The following SLC7A2 variants were observed in gnomAD, a reference collection of about 807,000 sequenced individuals.
SLC7A2 encodes the protein solute carrier family 7 member 2, also known as cationic amino acid transporter 2.
In SLC7A2, 48 loss-of-function variants were observed where a neutral mutation model predicts 58.9. The ratio of observed to expected loss-of-function variants is 0.82; its 90% CI spans 0.65 to 1.04. The LOEUF is 1.04. SLC7A2 is among the 50% of genes least tolerant of loss of function. SLC7A2 has a pLI of 0.00. For synonymous variants in SLC7A2, 363 were observed against 314.5 expected (o/e 1.15, Z -1.63); for missense variants, 1,029 against 818.8 (o/e 1.26, Z -3.13).
At chr8:17,548,991 C>G (rs1802313381) in intron 5 of SLC7A2, 148 bp downstream of exon 5, 1 of 716,102 alleles carries the variant, frequency 1.4e-6, no homozygotes, top group Non-Finnish European at 2.3e-6. Context: ...ACTCACAGTT[C>G]CACATGGCTG....
At position 17,565,388 on chromosome 8, in the gene SLC7A2, A is replaced by G. The variant is rs113583223; in HGVS notation, c.*242A>G. On this transcript the variant is annotated 3_prime_UTR_variant, in exon 13 of 13. Coordinates refer to ENST00000494857, the MANE Select transcript of SLC7A2 (RefSeq NM_001370338.1). ...TAGCCCCCAAACAGTGGGAGTGTGT[A>G]TGTATGTGTGTATGTATGTATCTAT... 15 of 489,360 alleles carry G rather than the reference A, an allele frequency of 3.1e-5. No individual in the cohort carries two copies. The highest frequency in any genetic ancestry group is 2.7e-4 in the African/African-American group (14 of 51,740). The allele number at this position is 489,360 out of a possible 1,614,324, so 30.3% of individuals were successfully genotyped here.
intron 1 of SLC7A2, among the ~76,000 whole-genome samples, chr8:17,497,845 A>G (rs2150630394): frequency 6.6e-6 from 1 of 152,254 alleles, no homozygotes; most frequent in East Asian, 1.9e-4. Context: ...AATCCGTTTG[A>G]GATGGGCTGT....
At chr8:17,501,237 A>C (rs58145248) in intron 1 of SLC7A2, among the ~76,000 whole-genome samples, 101,076 of 151,918 alleles carry the variant, frequency 0.67, 34,983 homozygotes, top group Admixed American at 0.75. Context: ...TGGTCTCGAA[A>C]TCCTGGCCTC....
intron 2 of SLC7A2, among the ~76,000 whole-genome samples, chr8:17,521,396 G>T (rs1241882453): frequency 6.6e-6 from 1 of 152,182 alleles, no homozygotes; most frequent in Admixed American, 6.5e-5. Context: ...GATGAATTTG[G>T]CAGGATTCTG....
intron 3 of SLC7A2, among the ~76,000 whole-genome samples, chr8:17,544,165 C>T (rs558341783): frequency 1.1e-3 from 161 of 152,270 alleles, no homozygotes; most frequent in African/African-American, 3.6e-3. Flanking sequence ...CCACGGCACC[C>T]GGCCACAAAA....
chr8:17,535,845 G>T (rs1242198448), intron 2 of SLC7A2, among the ~76,000 whole-genome samples: 1 of 152,176 alleles, frequency 6.6e-6, no homozygotes, highest in Non-Finnish European at 1.5e-5. Flanking sequence ...GGAGGTGGCA[G>T]TGAGCCGAGA....
rs2150800541 is a variant in SLC7A2 at position 17,570,128 on chromosome 8, C to G, written c.*4982C>G. ...ACCTGGTCTACAATTTATGCACATGCACTGACAGCCTTGCTGTGCCACGTG... is the reference window on the plus strand; with the variant it reads ...ACCTGGTCTACAATTTATGCACATGGACTGACAGCCTTGCTGTGCCACGTG... On this transcript the variant is annotated 3_prime_UTR_variant, in exon 13 of 13. Coordinates refer to ENST00000494857, the MANE Select transcript of SLC7A2 (RefSeq NM_001370338.1). 6.6e-6 allele frequency: 1 copy of G among 152,320 alleles called. No individual in the cohort carries two copies. Among genetic ancestry groups the G allele is most frequent in the Middle Eastern group, 3.4e-3 (1 of 294 alleles). The allele number at this position is 152,320 out of a possible 1,614,324, so 9.4% of individuals were successfully genotyped here.
chr8:17,558,080 G>T (rs1239296222), intron 8 of SLC7A2, among the ~76,000 whole-genome samples: 2 of 152,144 alleles, frequency 1.3e-5, no homozygotes, highest in African/African-American at 4.8e-5. Flanking sequence ...TTGGATAGTT[G>T]CCAGAGAGCT....
chr8:17,562,016 G>C lies in SLC7A2; in HGVS notation c.1577G>C (p.Ser526Thr). The change falls in exon 11 of 13, where the codon AGC becomes ACC. Residue 526 changes from serine (S) to threonine (T), a missense_variant. By Grantham distance (58) the Ser-to-Thr change is moderately conservative (BLOSUM62 1). Transcript: ENST00000494857. The part of the protein sequence containing the change: ...VHAITRLEAW[S>T]LALLALFLVL... ...GCCATCACCAGGCTGGAGGCCTGGA[G>C]CCTCGCTCTCCTCGCGCTGTTTCTT... The C allele has an allele frequency of 6.2e-7, 1 of 1,614,086 alleles. No homozygotes were observed. Among genetic ancestry groups the C allele is most frequent in the Non-Finnish European group, 8.5e-7 (1 of 1,179,994 alleles).
At chr8:17,557,203 T>C (rs1190321442) in intron 8 of SLC7A2, among the ~76,000 whole-genome samples, 1 of 152,222 alleles carries the variant, frequency 6.6e-6, no homozygotes, top group African/African-American at 2.4e-5. Context: ...TTAAATCTTG[T>C]AGAGGGATCT....
chr8:17,532,674 A>G (rs1273642013), intron 2 of SLC7A2, among the ~76,000 whole-genome samples: 1 of 152,218 alleles, frequency 6.6e-6, no homozygotes, highest in Admixed American at 6.5e-5. Flanking sequence ...TTTATGGCAT[A>G]TTAATAAGTA....
chr8:17,561,722 G>A (rs913032146), intron 10 of SLC7A2, among the ~76,000 whole-genome samples: 1 of 152,192 alleles, frequency 6.6e-6, no homozygotes, highest in Non-Finnish European at 1.5e-5. Context: ...TTGGTTCTAA[G>A]GAGGGGAGAG....
At chr8:17,539,187 A>G (rs944444741) in intron 2 of SLC7A2, among the ~76,000 whole-genome samples, 1 of 152,192 alleles carries the variant, frequency 6.6e-6, no homozygotes, top group Non-Finnish European at 1.5e-5. Context: ...TATACTGTCA[A>G]GTTGATGGCC....
chr8:17,527,223 A>G (rs1463083363), intron 2 of SLC7A2, among the ~76,000 whole-genome samples: 1 of 152,226 alleles, frequency 6.6e-6, no homozygotes, highest in Non-Finnish European at 1.5e-5. Flanking sequence ...TAAAATAATC[A>G]GTGTAGCAAA....
intron 2 of SLC7A2, among the ~76,000 whole-genome samples, chr8:17,509,506 G>T (rs2720541): frequency 1.1e-3 from 161 of 151,684 alleles, no homozygotes; most frequent in Middle Eastern, 6.8e-3. Flanking sequence ...GGGTTTCATC[G>T]TGATGGCTAG....
At chr8:17,535,391 C>A (rs1801621705) in intron 2 of SLC7A2, among the ~76,000 whole-genome samples, 1 of 152,110 alleles carries the variant, frequency 6.6e-6, no homozygotes, top group Admixed American at 6.5e-5. Context: ...TACCTGTATC[C>A]CCGTCACAGT....
At chr8:17,537,219 G>C (rs1038532367) in intron 2 of SLC7A2, among the ~76,000 whole-genome samples, 2 of 152,060 alleles carry the variant, frequency 1.3e-5, no homozygotes, top group African/African-American at 2.4e-5. Flanking sequence ...ACCATGCCTG[G>C]CTAATTTTTG....
At chr8:17,522,183 G>T (rs575850762) in intron 2 of SLC7A2, among the ~76,000 whole-genome samples, 5,862 of 152,266 alleles carry the variant, frequency 0.038, 168 homozygotes, top group Middle Eastern at 0.17. Context: ...GATGGCAAAA[G>T]TCACGTCTTA....
intron 2 of SLC7A2, chr8:17,511,296 A>G (rs1418569991): frequency 6.6e-6 from 1 of 152,066 alleles, no homozygotes; most frequent in African/African-American, 2.4e-5. Context: ...AAAGTTAAGC[A>G]TTTTCTCCTT....
Sources: allele counts gnomAD v4.1 joint callset (sites outside exome capture counted in the v4.1 genomes callset), GRCh38; gene constraint gnomAD v4.1.1; transcripts MANE v1.5; gene names NCBI Gene and HGNC (gene_info 2026-07-23, HGNC 2026-07-21).